Variants in CELSR1 observed in about 807,000 individuals in gnomAD.
The protein encoded by CELSR1 is adhesion G protein-coupled receptor C1.
In CELSR1, 110 loss-of-function variants were observed where a neutral mutation model predicts 249.1. The observed-to-expected ratio is 0.44, with a 90% CI of 0.38 to 0.52. CELSR1 has a LOEUF of 0.52. Ranked by LOEUF, CELSR1 falls within the 20% of genes least tolerant of loss-of-function variation. The pLI, the probability that CELSR1 is intolerant of heterozygous loss-of-function variation, is 0.00. For missense variants in CELSR1, 4,109 were observed against 4,296.4 expected (o/e 0.96, Z 1.22); for synonymous variants, 2,113 against 1,900.0 (o/e 1.11, Z -2.92).
intron 1 of CELSR1, among the ~76,000 whole-genome samples, chr22:46,519,440 A>G (rs1409099974): frequency 1.3e-5 from 2 of 152,236 alleles, no homozygotes; most frequent in Admixed American, 1.3e-4. Flanking sequence ...GCTGAGGGCC[A>G]GCACTGGGCC....
chr22:46,475,952 G>A (rs2080203892), intron 1 of CELSR1, among the ~76,000 whole-genome samples: 1 of 152,082 alleles, frequency 6.6e-6, no homozygotes, highest in African/African-American at 2.4e-5. Flanking sequence ...AGGCCCCACT[G>A]TGCCCCAGGA....
intron 5 of CELSR1, among the ~76,000 whole-genome samples, chr22:46,420,230 CCA>C (rs1272845529): frequency 2.6e-5 from 4 of 151,056 alleles, no homozygotes; most frequent in South Asian, 2.1e-4. Context: ...ACATTCACAC[CCA>C]CATATGCTCA....
chr22:46,430,617 G>A lies in CELSR1; in HGVS notation c.4611+2776C>T, dbSNP rs1391687306. On this transcript the variant is annotated intron_variant, in intron 5 of 34. Coordinates refer to ENST00000674500, the MANE Select transcript of CELSR1 (RefSeq NM_001378328.1). The surrounding 1 kb of genome is among the most constrained non-coding windows in gnomAD (Gnocchi z 4.6). Reference sequence around the variant, plus strand: ...GTCTTCCCCAAAACCTTCCCTGGTGGCCCAAGGTCACCCCCAAGGTGGCTG... The same window carrying A: ...GTCTTCCCCAAAACCTTCCCTGGTGACCCAAGGTCACCCCCAAGGTGGCTG... Among the ~76,000 whole-genome samples, 1 of 152,140 alleles carries A rather than the reference G, an allele frequency of 6.6e-6. No homozygotes were observed. The highest frequency in any genetic ancestry group is 1.5e-5 in the Non-Finnish European group (1 of 68,010).
rs1252729196 is a variant in CELSR1, at chr22:46,399,801, G to A, written c.5328C>T (p.His1776=). ...TAACATTCTTCAGCTCGATCAGCAG[G>A]TGGTGCCACTCCCCGTCGGTCACCC... ...GLRVTDGEWH[H]LLIELKNVKE... Residue 1776 remains histidine, a synonymous_variant, in exon 10 of 35, where the codon CAC becomes CAT. Coordinates refer to ENST00000674500, the MANE Select transcript of CELSR1 (RefSeq NM_001378328.1). This position sits in a 1 kb window ranked among gnomAD's most constrained non-coding sequence, Gnocchi z 5.0. The A allele has an allele frequency of 1.2e-5, 19 of 1,614,110 alleles. No homozygotes were observed. The highest frequency in any genetic ancestry group is 1.6e-5 in the Non-Finnish European group (19 of 1,179,992).
In CELSR1 at chr22:46,417,791, G is replaced by A. The variant is rs183960036; in HGVS notation, c.4612-6032C>T. Among the ~76,000 whole-genome samples the A allele has an allele frequency of 2.8e-3, 423 of 152,320 alleles. 1 individual carries two copies. The highest frequency in any genetic ancestry group is 5.2e-3 in the Non-Finnish European group (356 of 68,026). On this transcript the variant is annotated intron_variant, in intron 5 of 34. Coordinates refer to ENST00000674500, the MANE Select transcript of CELSR1 (RefSeq NM_001378328.1). The surrounding 1 kb of genome is among the most constrained non-coding windows in gnomAD (Gnocchi z 4.1). The stretch of plus-strand genomic sequence containing the variant: ...CTGTTTGGGAATGAAATGAAAGGAC[G>A]GATCTGAAACTGTGCAGTGTCTGAG...
chr22:46,404,138 G>A (rs770751631), intron 9 of CELSR1, among the ~76,000 whole-genome samples: 3 of 151,812 alleles, frequency 2.0e-5, no homozygotes, highest in Non-Finnish European at 2.9e-5. Flanking sequence ...GAGGCTGGGC[G>A]CGGTGGCTCA....
At chr22:46,418,977 G>C (rs943783065) in intron 5 of CELSR1, among the ~76,000 whole-genome samples, 2 of 152,222 alleles carry the variant, frequency 1.3e-5, no homozygotes, top group Non-Finnish European at 2.9e-5. Flanking sequence ...GTTCAGCACT[G>C]GACGGAGATA....
At chr22:46,418,841 C>T (rs1460250145) in intron 5 of CELSR1, among the ~76,000 whole-genome samples, 1 of 152,234 alleles carries the variant, frequency 6.6e-6, no homozygotes, top group African/African-American at 2.4e-5. Flanking sequence ...GGGTCTAACC[C>T]GTTTCCCCGA....
In CELSR1 at chr22:46,468,413, A is replaced by G. The variant is rs1373309324; in HGVS notation, c.3545-4068T>C. Among the ~76,000 whole-genome samples, 2 of 151,614 alleles carry G rather than the reference A, an allele frequency of 1.3e-5. No individual in the cohort carries two copies. Among genetic ancestry groups the G allele is most frequent in the South Asian group, 2.1e-4 (1 of 4,812 alleles). On this transcript the variant is annotated intron_variant, in intron 1 of 34. Coordinates refer to ENST00000674500, the MANE Select transcript of CELSR1 (RefSeq NM_001378328.1). This position sits in a 1 kb window ranked among gnomAD's most constrained non-coding sequence, Gnocchi z 4.5. ...AAAAAAAAAAAAATGTGGTCCATGCATACTATGGAATATTATCCAGCCTTA... is the reference window on the plus strand; with the variant it reads ...AAAAAAAAAAAAATGTGGTCCATGCGTACTATGGAATATTATCCAGCCTTA...
rs201651845 is a variant in CELSR1, at chr22:46,380,964, A to G, written c.7089-9T>C. On this transcript the variant is annotated splice_polypyrimidine_tract_variant and intron_variant, in intron 21 of 34. Coordinates refer to ENST00000674500, the MANE Select transcript of CELSR1 (RefSeq NM_001378328.1). The surrounding 1 kb of genome is among the most constrained non-coding windows in gnomAD (Gnocchi z 5.1). ...TGGGCCGGTGAGGCAACCTGAGGTC[A>G]AGAAGCCAGAGCATGGGGACAAACA... The G allele has an allele frequency of 5.8e-5, 94 of 1,610,266 alleles. No homozygotes were observed. The African/African-American group carries it at 9.9e-4, about 17-fold the overall frequency.
In CELSR1 at chr22:46,364,269, G is replaced by A. The variant is rs368879772; in HGVS notation, c.8780-18C>T. ...CAAGATGCCTGGGAGGAGGAGACAC[G>A]GCAAGGTCAAGTCCGGGTGATGCTG... On this transcript the variant is annotated intron_variant, in intron 33 of 34. Coordinates refer to ENST00000674500, the MANE Select transcript of CELSR1 (RefSeq NM_001378328.1). 126 of 1,604,676 alleles carry A rather than the reference G, an allele frequency of 7.9e-5. 1 individual carries two copies. The African/African-American group carries it at 1.4e-3, about 18-fold the overall frequency.
chr22:46,492,764 C>G (rs917666129), intron 1 of CELSR1, among the ~76,000 whole-genome samples: 2 of 151,286 alleles, frequency 1.3e-5, no homozygotes, highest in African/African-American at 4.9e-5. Context: ...CGGCCGAAAC[C>G]CAGGAGGACA....
At chr22:46,491,843 G>A (rs1034952672) in intron 1 of CELSR1, among the ~76,000 whole-genome samples, 4 of 151,970 alleles carry the variant, frequency 2.6e-5, no homozygotes, top group African/African-American at 9.7e-5. Flanking sequence ...CACCATGTTG[G>A]CCAGGCTGGT....
In CELSR1 at chr22:46,534,442, C is replaced by A; in HGVS notation, c.2729G>T (p.Ser910Ile). 1 of 1,612,964 alleles carries A rather than the reference C, an allele frequency of 6.2e-7. No homozygotes were observed. Among genetic ancestry groups the A allele is most frequent in the South Asian group, 1.1e-5 (1 of 91,076 alleles). Residue 910 changes from serine to isoleucine, a missense_variant, in exon 1 of 35, where the codon AGC (serine) becomes ATC (isoleucine). By Grantham distance (142) the Ser-to-Ile change is moderately radical. Coordinates refer to ENST00000674500, the MANE Select transcript of CELSR1 (RefSeq NM_001378328.1). This position sits in a 1 kb window ranked among gnomAD's most constrained non-coding sequence, Gnocchi z 9.7. ...SIFEDAPPST[S>I]ILQVSATDRD... ...GTCCGTGGCAGAGACCTGGAGGATGCTGGTCGAGGGTGGAGCATCCTCAAA... is the reference window on the plus strand; with the variant it reads ...GTCCGTGGCAGAGACCTGGAGGATGATGGTCGAGGGTGGAGCATCCTCAAA...
chr22:46,403,132 G>A (rs575075378), intron 9 of CELSR1, among the ~76,000 whole-genome samples: 1 of 152,174 alleles, frequency 6.6e-6, no homozygotes, highest in East Asian at 1.9e-4. Flanking sequence ...TAATAACCTG[G>A]CCTCAAAATC....
chr22:46,483,004 G>A (rs369989000), intron 1 of CELSR1, among the ~76,000 whole-genome samples: 30 of 152,276 alleles, frequency 2.0e-4, no homozygotes, highest in African/African-American at 7.0e-4. Flanking sequence ...ATGGTCCCAA[G>A]CCACTCAGCT....
Position 46,447,302 on chromosome 22 carries a change from C to T in CELSR1, c.4184-7891G>A, listed in dbSNP as rs899418868. 6.6e-6 allele frequency among the ~76,000 whole-genome samples: 1 copy of T among 152,162 alleles called. No homozygotes were observed. Among genetic ancestry groups the T allele is most frequent in the Admixed American group, 6.5e-5 (1 of 15,274 alleles). ...TTTCTAATAGAGCTTTTATAAGACACACTATTTTCATAAAATAAATGTTCA... is the reference window on the plus strand; with the variant it reads ...TTTCTAATAGAGCTTTTATAAGACATACTATTTTCATAAAATAAATGTTCA... On this transcript the variant is annotated intron_variant, in intron 2 of 34. Transcript: ENST00000674500. This position sits in a 1 kb window ranked among gnomAD's most constrained non-coding sequence, Gnocchi z 4.7.
At chr22:46,439,073 A>G in intron 3 of CELSR1, 116 bp downstream of exon 3, 1 of 1,038,422 alleles carries the variant, frequency 9.6e-7, no homozygotes, top group Non-Finnish European at 1.4e-6. Context: ...CTACTCAACT[A>G]TCAAAGGCCA....
Position 46,362,832 on chromosome 22 carries a change from A to C in CELSR1, c.*391T>G. 3.1e-6 allele frequency: 1 copy of C among 323,256 alleles called. No homozygotes were observed. Among genetic ancestry groups the C allele is most frequent in the Non-Finnish European group, 5.7e-6 (1 of 174,496 alleles). The allele number at this position is 323,256 out of a possible 1,614,324, so 20.0% of individuals were successfully genotyped here. A position where few individuals can be genotyped will look rare whatever the true frequency, so the allele number is the denominator to read the frequency against. ...GAGATGCCCGCCTGGGCGGGGCTGGACCGCGGTCTTTGGTCTGTGCCCGGC... is the reference window on the plus strand; with the variant it reads ...GAGATGCCCGCCTGGGCGGGGCTGGCCCGCGGTCTTTGGTCTGTGCCCGGC... On this transcript the variant is annotated 3_prime_UTR_variant, in exon 35 of 35. Transcript: ENST00000674500.
Sources: allele counts gnomAD v4.1 joint callset (sites outside exome capture counted in the v4.1 genomes callset), GRCh38; gene constraint gnomAD v4.1.1; non-coding constraint Gnocchi (gnomAD v3.1); transcripts MANE v1.5; gene names NCBI Gene and HGNC (gene_info 2026-07-23, HGNC 2026-07-21).